The following DNAJC13 variants were observed in gnomAD, a reference collection of about 807,000 sequenced individuals.
DNAJC13 encodes the protein dnaJ homolog subfamily C member 13.
In DNAJC13, 75 loss-of-function variants were observed where a neutral mutation model predicts 290.5. That is an observed-to-expected ratio of 0.26 (90% confidence interval 0.21 to 0.31). The LOEUF is 0.31. DNAJC13 is among the 10% of genes least tolerant of loss of function. DNAJC13 has a pLI of 1.00. For synonymous variants in DNAJC13, 862 were observed against 892.0 expected (o/e 0.97, Z 0.60); for missense variants, 2,260 against 2,674.5 (o/e 0.85, Z 3.42).
intron 20 of DNAJC13, among the ~76,000 whole-genome samples, chr3:132,471,379 G>A (rs1418821182): frequency 6.8e-6 from 1 of 146,884 alleles, no homozygotes; most frequent in African/African-American, 2.5e-5. Context: ...CGGGGTGGCT[G>A]CCGGGCGGAG....
intron 6 of DNAJC13, 78 bp from the exon 7 acceptor site, chr3:132,453,220 C>A (rs1933473468): frequency 7.4e-7 from 1 of 1,346,732 alleles, no homozygotes; most frequent in East Asian, 2.5e-5. Context: ...ACTTTAATAC[C>A]TTTCCTATGA....
At chr3:132,442,866 CTT>C (rs1392427352) in intron 2 of DNAJC13, among the ~76,000 whole-genome samples, 1 of 152,058 alleles carries the variant, frequency 6.6e-6, no homozygotes, top group East Asian at 1.9e-4. Flanking sequence ...GGGCAAAGGT[CTT>C]TTTTCTGATG....
Position 132,418,405 on chromosome 3 carries a change from G to A in DNAJC13, c.-14+645G>A, listed in dbSNP as rs78227902. 5.1e-4 allele frequency among the ~76,000 whole-genome samples: 78 copies of A among 152,264 alleles called. No individual in the cohort carries two copies. In the East Asian group the frequency reaches 0.01, roughly 20 times the overall value. ...TAGGACTTAGACGCTCAGTGAAGTGGCTGTTAATCACTTGATACTTAACTA... is the reference window on the plus strand; with the variant it reads ...TAGGACTTAGACGCTCAGTGAAGTGACTGTTAATCACTTGATACTTAACTA... On this transcript the variant is annotated intron_variant, in intron 1 of 55. Transcript: ENST00000260818.
intron 41 of DNAJC13, 104 bp downstream of exon 41, chr3:132,503,485 C>T (rs1935488173): frequency 2.3e-6 from 3 of 1,319,322 alleles, no homozygotes; most frequent in Middle Eastern, 1.9e-4. Context: ...AAATTAAGAA[C>T]GTTCACATGT....
chr3:132,461,652 ACT>A (rs746603911), intron 15 of DNAJC13, among the ~76,000 whole-genome samples: 12 of 151,084 alleles, frequency 7.9e-5, no homozygotes, highest in Non-Finnish European at 1.6e-4. Flanking sequence ...CTGTTTTGAC[ACT>A]CTGCCCATTT....
At chr3:132,506,680 T>G (rs1935603428) in intron 42 of DNAJC13, among the ~76,000 whole-genome samples, 1 of 150,352 alleles carries the variant, frequency 6.7e-6, no homozygotes, top group South Asian at 2.1e-4. Flanking sequence ...GCCTCCCAAG[T>G]AGCTGGGACT....
intron 20 of DNAJC13, among the ~76,000 whole-genome samples, chr3:132,471,234 G>C (rs1178506803): frequency 2.3e-4 from 31 of 133,866 alleles, no homozygotes; most frequent in Admixed American, 1.0e-3. Context: ...GCGGCTGGCC[G>C]GGCGGGGGGC....
chr3:132,520,649 A>G (rs74504861), intron 48 of DNAJC13, among the ~76,000 whole-genome samples: 2,192 of 152,350 alleles, frequency 0.014, 25 homozygotes, highest in Middle Eastern at 0.037. Context: ...TTTTAAAAGT[A>G]TCAGATGACA....
intron 55 of DNAJC13, among the ~76,000 whole-genome samples, chr3:132,533,580 C>T (rs537975288): frequency 6.6e-6 from 1 of 150,630 alleles, no homozygotes; most frequent in Admixed American, 6.6e-5. Context: ...AAATGATCCA[C>T]CCGCCTCAAA....
intron 46 of DNAJC13, among the ~76,000 whole-genome samples, chr3:132,515,127 C>T (rs1935882877): frequency 6.6e-6 from 1 of 152,100 alleles, no homozygotes; most frequent in African/African-American, 2.4e-5. Flanking sequence ...AACCTTATTT[C>T]CTGAACACAG....
At chr3:132,508,308 G>C (rs1935657155) in intron 43 of DNAJC13, among the ~76,000 whole-genome samples, 1 of 152,210 alleles carries the variant, frequency 6.6e-6, no homozygotes, top group African/African-American at 2.4e-5. Context: ...AGAAGCTGCA[G>C]CAAATTACCC....
intron 1 of DNAJC13, among the ~76,000 whole-genome samples, chr3:132,434,182 C>G (rs1939313893): frequency 6.6e-6 from 1 of 151,256 alleles, no homozygotes; most frequent in South Asian, 2.1e-4. Context: ...TGCACTCCAG[C>G]CTGGGCGACA....
At chr3:132,466,214 C>G in intron 18 of DNAJC13, 85 bp from the exon 19 acceptor site, 4 of 1,468,608 alleles carry the variant, frequency 2.7e-6, no homozygotes, top group Non-Finnish European at 3.7e-6. Context: ...CCCTCAATAG[C>G]TAAGCCACAG....
intron 51 of DNAJC13, 103 bp downstream of exon 51, chr3:132,523,816 C>T: frequency 8.5e-7 from 1 of 1,178,678 alleles, no homozygotes; most frequent in Non-Finnish European, 1.2e-6. Context: ...TAGGAATTGG[C>T]CAGCTCTTTC....
chr3:132,482,456 C>T (rs946601944), intron 27 of DNAJC13, 126 bp downstream of exon 27: 13 of 617,852 alleles, frequency 2.1e-5, no homozygotes, highest in Non-Finnish European at 3.5e-5. Flanking sequence ...CTCCAAGGGC[C>T]CTGCAACTCA....
chr3:132,450,592 T>A (rs1933388110), intron 5 of DNAJC13, 55 bp from the exon 6 acceptor site: 2 of 1,344,048 alleles, frequency 1.5e-6, no homozygotes, highest in Non-Finnish European at 2.1e-6. Flanking sequence ...CATTAAATTT[T>A]ATTTTATATG....
In DNAJC13 at chr3:132,525,759, T is replaced by G. The variant is rs774335669; in HGVS notation, c.6210T>G (p.Ile2070Met). 8.7e-6 allele frequency: 14 copies of G among 1,614,062 alleles called. No homozygotes were observed. Among genetic ancestry groups the G allele is most frequent in the Non-Finnish European group, 1.2e-5 (14 of 1,180,016 alleles). Reference sequence around the variant, plus strand: ...ACAATGCCATTCCTAAGAGTGCCATTCGGGTTATCCATGCCTTGTCTGAAA... The same window carrying G: ...ACAATGCCATTCCTAAGAGTGCCATGCGGGTTATCCATGCCTTGTCTGAAA... ...HRNNAIPKSA[I>M]RVIHALSENE... The change falls in exon 52 of 56, where the codon ATT becomes ATG. Residue 2070 changes from isoleucine to methionine, a missense_variant. This residue lies in a region of DNAJC13 where 1,494 missense variants were observed against 1,693.7 expected (regional missense o/e 0.88). Coordinates refer to ENST00000260818, the MANE Select transcript of DNAJC13 (RefSeq NM_015268.4).
chr3:132,463,383 C>A (rs942764121), intron 16 of DNAJC13, among the ~76,000 whole-genome samples: 1 of 152,178 alleles, frequency 6.6e-6, no homozygotes, highest in South Asian at 2.1e-4. Context: ...ACAGAGCTTG[C>A]GATAGCCAAG....
At chr3:132,419,929 A>G (rs1309431523) in intron 1 of DNAJC13, among the ~76,000 whole-genome samples, 1 of 152,190 alleles carries the variant, frequency 6.6e-6, no homozygotes, top group Non-Finnish European at 1.5e-5. Context: ...TAATGTAACT[A>G]CCTCTGGCTT....
Sources: gnomAD v4.1 joint callset for allele counts (sites outside exome capture counted in the v4.1 genomes callset) on GRCh38, gnomAD v4.1.1 for gene constraint, gnomAD v4.1.1 regional missense constraint, MANE v1.5 for transcripts, NCBI Gene and HGNC (gene_info 2026-07-23, HGNC 2026-07-21) for gene names.